Variants in NTSR1 observed in about 807,000 individuals in gnomAD.
The protein encoded by NTSR1 is neurotensin receptor type 1.
Under a neutral mutation model 31.2 loss-of-function variants are expected in NTSR1, and 29 were observed. The ratio of observed to expected loss-of-function variants is 0.93; its 90% confidence interval spans 0.69 to 1.27. NTSR1 has a LOEUF of 1.27. NTSR1 is among the 50% of genes most tolerant of loss of function. The probability of loss-of-function intolerance (pLI) is 0.00; values close to 1 mark genes in which losing one functional copy is unlikely to be tolerated. For synonymous variants in NTSR1, 282 were observed against 269.9 expected, an observed-to-expected ratio of 1.04 and a Z score of -0.44; for missense variants, 697 against 595.4, an observed-to-expected ratio of 1.17 and a Z score of -1.78.
chr20:62,755,796 A>C (rs1019704674), intron 2 of NTSR1, among the ~76,000 whole-genome samples: 1 of 4,288 alleles, frequency 2.3e-4, no homozygotes, highest in Non-Finnish European at 4.1e-4. Context: ...CCCTCCCTCC[A>C]TCCCTCCCTT....
intron 1 of NTSR1, among the ~76,000 whole-genome samples, chr20:62,724,229 G>A (rs556054441): frequency 4.6e-5 from 7 of 152,332 alleles, no homozygotes; most frequent in Admixed American, 1.3e-4. Flanking sequence ...GAGGGCAGCA[G>A]CTCTCAGCAG....
chr20:62,734,221 G>A (rs111535213), intron 1 of NTSR1, among the ~76,000 whole-genome samples: 24 of 152,098 alleles, frequency 1.6e-4, no homozygotes, highest in South Asian at 8.3e-4. Flanking sequence ...GAGATGGGGC[G>A]TGAGGGGCGG....
Position 62,745,895 on chromosome 20 carries a change from C to A in NTSR1, c.715-8790C>A, listed in dbSNP as rs1416183732. Among the ~76,000 whole-genome samples, 1 of 152,238 alleles carries A rather than the reference C, an allele frequency of 6.6e-6. No individual in the cohort carries two copies. Among genetic ancestry groups the A allele is most frequent in the Non-Finnish European group, 1.5e-5 (1 of 68,034 alleles). On this transcript the variant is annotated intron_variant, in intron 1 of 3. Transcript: ENST00000370501. This position sits in a 1 kb window ranked among gnomAD's most constrained non-coding sequence, Gnocchi z 4.1. ...TGGGGCTGGGCCAGGTGACTCCCTG[C>A]TCTCTTTAGAGACAAATCGAAAGGC...
At chr20:62,752,634 G>C (rs977590971) in intron 1 of NTSR1, among the ~76,000 whole-genome samples, 1 of 152,236 alleles carries the variant, frequency 6.6e-6, no homozygotes, top group African/African-American at 2.4e-5. Context: ...TATTTTTGCA[G>C]CCAGCCGTGT....
rs149179738 is a variant in NTSR1, at chr20:62,750,146, C to T, written c.715-4539C>T. On this transcript the variant is annotated intron_variant, in intron 1 of 3. Coordinates refer to ENST00000370501, the MANE Select transcript of NTSR1 (RefSeq NM_002531.3). ...AAAAATAAGCAGATCTGGTCATTTG[C>T]GGTAGCCGCAACAAACCTGGGGGCA... is the stretch of plus-strand genomic sequence containing the variant. Among the ~76,000 whole-genome samples, 942 of 152,226 alleles carry T rather than the reference C, an allele frequency of 6.2e-3. 7 individuals carry two copies. The highest frequency in any genetic ancestry group is 0.021 in the African/African-American group (876 of 41,534).
chr20:62,728,208 C>T (rs954174191), intron 1 of NTSR1, among the ~76,000 whole-genome samples: 1 of 152,180 alleles, frequency 6.6e-6, no homozygotes, highest in African/African-American at 2.4e-5. Flanking sequence ...CAGGTCCCCC[C>T]GAGTCTCCCA....
At chr20:62,752,023 C>T (rs1044806251) in intron 1 of NTSR1, among the ~76,000 whole-genome samples, 1 of 152,236 alleles carries the variant, frequency 6.6e-6, no homozygotes, top group African/African-American at 2.4e-5. Flanking sequence ...TAGCGACCTG[C>T]CTTTCAAGAG....
chr20:62,733,448 G>T lies in NTSR1; in HGVS notation c.715-21237G>T, dbSNP rs1000376086. Among the ~76,000 whole-genome samples, 3 of 152,214 alleles carry T rather than the reference G, an allele frequency of 2.0e-5. No individual in the cohort carries two copies. The highest frequency in any genetic ancestry group is 7.2e-5 in the African/African-American group (3 of 41,464). ...GCAGGGAGCCACTGGCAGCTCCCCA[G>T]TGGGAATCGTGCCTTCTAGTCCAGA... On this transcript the variant is annotated intron_variant, in intron 1 of 3. Coordinates refer to ENST00000370501, the MANE Select transcript of NTSR1 (RefSeq NM_002531.3). This position sits in a 1 kb window ranked among gnomAD's most constrained non-coding sequence, Gnocchi z 5.2.
At chr20:62,746,760 T>C (rs1438112253) in intron 1 of NTSR1, among the ~76,000 whole-genome samples, 7 of 152,088 alleles carry the variant, frequency 4.6e-5, no homozygotes, top group Admixed American at 6.5e-5. Flanking sequence ...AGAAGGAGAT[T>C]GAATCAGTTA....
At position 62,743,601 on chromosome 20, in the gene NTSR1, C is replaced by T. The variant is rs1989241996; in HGVS notation, c.715-11084C>T. Among the ~76,000 whole-genome samples, 1 of 151,998 alleles carries T rather than the reference C, an allele frequency of 6.6e-6. No homozygotes were observed. Among genetic ancestry groups the T allele is most frequent in the African/African-American group, 2.4e-5 (1 of 41,412 alleles). On this transcript the variant is annotated intron_variant, in intron 1 of 3. Coordinates refer to ENST00000370501, the MANE Select transcript of NTSR1 (RefSeq NM_002531.3). This position sits in a 1 kb window ranked among gnomAD's most constrained non-coding sequence, Gnocchi z 7.5. ...AGGGTGTGGACAGGAGCCTCCCCTC[C>T]CACCCGCCCCGCAGCCTCTGCAGCC...
intron 1 of NTSR1, among the ~76,000 whole-genome samples, chr20:62,736,193 G>C (rs747546419): frequency 6.6e-6 from 1 of 152,202 alleles, no homozygotes; most frequent in Admixed American, 6.5e-5. Context: ...CAGGGGCATC[G>C]TGGCTGGGGA....
rs1358488503 is a variant in NTSR1 at position 62,733,139 on chromosome 20, G to GT, written c.715-21545dup. The stretch of plus-strand genomic sequence containing the variant: ...ATTGGACTTGCAAATTCTGAGTGAA[G>GT]TAAATGTCATCGGCAGTGTGTAGAC... On this transcript the variant is annotated intron_variant, in intron 1 of 3. Coordinates refer to ENST00000370501, the MANE Select transcript of NTSR1 (RefSeq NM_002531.3). The surrounding 1 kb of genome is among the most constrained non-coding windows in gnomAD (Gnocchi z 5.2). 1 of 150,790 alleles carries GT rather than the reference G, an allele frequency of 6.6e-6. No individual in the cohort carries two copies. The highest frequency in any genetic ancestry group is 3.2e-3 in the Middle Eastern group (1 of 308). 9.3% of individuals were successfully genotyped at this position (150,790 alleles called of 1,614,324 possible). A position where few individuals can be genotyped will look rare whatever the true frequency, so the allele number is the denominator to read the frequency against.
chr20:62,723,154 C>G (rs6090447), intron 1 of NTSR1, among the ~76,000 whole-genome samples: 2 of 152,218 alleles, frequency 1.3e-5, no homozygotes, highest in African/African-American at 4.8e-5. Context: ...TTTCAAGAGC[C>G]TTGTTTTCTT....
At chr20:62,737,526 G>C (rs113627476) in intron 1 of NTSR1, among the ~76,000 whole-genome samples, 3,173 of 152,232 alleles carry the variant, frequency 0.021, 119 homozygotes, top group African/African-American at 0.07. Flanking sequence ...GGGAGGGGCC[G>C]AGCATGGGAT....
intron 1 of NTSR1, among the ~76,000 whole-genome samples, chr20:62,754,446 C>T (rs571070735): frequency 1.3e-5 from 2 of 152,310 alleles, no homozygotes; most frequent in South Asian, 2.1e-4. Context: ...GGGGAGTCTG[C>T]AAACTTCTTC....
rs767076650 is a variant in NTSR1 at position 62,709,249 on chromosome 20, G to T, written c.42G>T (p.Pro14=). The T allele has an allele frequency of 5.3e-6, 8 of 1,515,068 alleles. No individual in the cohort carries two copies. Among genetic ancestry groups the T allele is most frequent in the Non-Finnish European group, 7.0e-6 (8 of 1,138,952 alleles). 93.9% of individuals were successfully genotyped at this position (1,515,068 alleles called of 1,614,324 possible). The change falls in exon 1 of 4, where the codon CCG becomes CCT. Residue 14 remains proline, a synonymous_variant. Transcript: ENST00000370501. ...CCGCGCCGGGAACCCCGGGCACGCCGGCCGCCGACCCCTTCCAGCGGGCGC... is the reference window on the plus strand; with the variant it reads ...CCGCGCCGGGAACCCCGGGCACGCCTGCCGCCGACCCCTTCCAGCGGGCGC... The part of the protein sequence containing the change: ...NSSAPGTPGT[P]AADPFQRAQA...
At chr20:62,723,210 C>T (rs773756222) in intron 1 of NTSR1, among the ~76,000 whole-genome samples, 4 of 152,220 alleles carry the variant, frequency 2.6e-5, no homozygotes, top group African/African-American at 4.8e-5. Flanking sequence ...CACTTCCAGG[C>T]TCTCAGCATT....
chr20:62,720,007 C>G (rs904354382), intron 1 of NTSR1, among the ~76,000 whole-genome samples: 4 of 152,164 alleles, frequency 2.6e-5, no homozygotes, highest in African/African-American at 9.7e-5. Flanking sequence ...AAATTCAATT[C>G]TTTTCAAAGA....
chr20:62,721,516 G>C (rs1210330789), intron 1 of NTSR1, among the ~76,000 whole-genome samples: 2 of 152,210 alleles, frequency 1.3e-5, no homozygotes, highest in Non-Finnish European at 2.9e-5. Flanking sequence ...GTCTGTCCGT[G>C]GTGGTTCCAA....
Sources: allele counts gnomAD v4.1 joint callset (sites outside exome capture counted in the v4.1 genomes callset), GRCh38; gene constraint gnomAD v4.1.1; non-coding constraint Gnocchi (gnomAD v3.1); transcripts MANE v1.5; gene names NCBI Gene and HGNC (gene_info 2026-07-23, HGNC 2026-07-21).